PLCXD3: variants seen among roughly 807,000 people sequenced by gnomAD.
PLCXD3 encodes the protein phosphatidylinositol specific phospholipase C X domain containing 3.
Under a neutral mutation model 25.5 loss-of-function variants are expected in PLCXD3, and 19 were observed. That is an observed-to-expected ratio of 0.75 (90% CI 0.52 to 1.09). The LOEUF (loss-of-function observed/expected upper bound fraction) is 1.09. PLCXD3 is among the 50% of genes least tolerant of loss of function. The pLI, the probability that PLCXD3 is intolerant of heterozygous loss-of-function variation, is 0.00. For missense variants in PLCXD3, 411 were observed against 388.1 expected, an observed-to-expected ratio of 1.06 and a Z score of -0.50; for synonymous variants, 174 against 137.6, an observed-to-expected ratio of 1.26 and a Z score of -1.85.
At position 41,308,014 on chromosome 5, in the gene PLCXD3, A is replaced by G. The variant is rs1386905684; in HGVS notation, c.*5603T>C. 6.6e-6 allele frequency: 1 copy of G among 152,116 alleles called. No homozygotes were observed. Among genetic ancestry groups the G allele is most frequent in the Admixed American group, 6.6e-5 (1 of 15,260 alleles). The allele number at this position is 152,116 out of a possible 1,614,324, so 9.4% of individuals were successfully genotyped here. Reference sequence around the variant, plus strand: ...ACATGGTGGCATTGATCCTATGAAGATATTTACTTGATTATCCCATCTGTA... The same window carrying G: ...ACATGGTGGCATTGATCCTATGAAGGTATTTACTTGATTATCCCATCTGTA... On this transcript the variant is annotated 3_prime_UTR_variant, in exon 3 of 3. Coordinates refer to ENST00000377801, the MANE Select transcript of PLCXD3 (RefSeq NM_001005473.3).
intron 1 of PLCXD3, among the ~76,000 whole-genome samples, chr5:41,482,375 T>C (rs1748432353): frequency 6.6e-6 from 1 of 152,220 alleles, no homozygotes; most frequent in Non-Finnish European, 1.5e-5. Flanking sequence ...TAGTCACGTG[T>C]CTGGGCCACG....
chr5:41,332,537 G>A (rs1048747919), intron 2 of PLCXD3, among the ~76,000 whole-genome samples: 2 of 152,222 alleles, frequency 1.3e-5, no homozygotes, highest in South Asian at 2.1e-4. Flanking sequence ...TCAGTGTGGT[G>A]ATTCCTCAGG....
chr5:41,345,992 G>A (rs1223510311), intron 2 of PLCXD3, among the ~76,000 whole-genome samples: 1 of 151,850 alleles, frequency 6.6e-6, no homozygotes, highest in Non-Finnish European at 1.5e-5. Flanking sequence ...TGATTCTCCT[G>A]CCTCAGCCTC....
chr5:41,381,856 G>T lies in PLCXD3; in HGVS notation c.782C>A (p.Ala261Glu), dbSNP rs935074342. The change falls in exon 2 of 3, where the codon GCA becomes GAA. Residue 261 changes from alanine (A) to glutamate (E), a missense_variant. Physicochemically the swap from Ala to Glu is moderately radical, Grantham distance 107. Transcript: ENST00000377801. ...TGTGATTGTTTCTCTGAGGCCACTT[G>T]CCACCCCTTTGACCACAGTGCTAGC... ...PKASTVVKGV[A>E]SGLRETITER... 2 of 1,610,860 alleles carry T rather than the reference G, an allele frequency of 1.2e-6. No individual in the cohort carries two copies. Among genetic ancestry groups the T allele is most frequent in the Middle Eastern group, 1.8e-4 (1 of 5,420 alleles).
At chr5:41,388,215 T>C (rs944460252) in intron 1 of PLCXD3, among the ~76,000 whole-genome samples, 23 of 152,026 alleles carry the variant, frequency 1.5e-4, no homozygotes, top group African/African-American at 5.6e-4. Context: ...TAAAACCTTA[T>C]ACCAAATAGC....
intron 1 of PLCXD3, among the ~76,000 whole-genome samples, chr5:41,496,152 C>T (rs775191600): frequency 6.6e-5 from 10 of 151,584 alleles, no homozygotes; most frequent in South Asian, 4.2e-4. Flanking sequence ...ATAGATCATT[C>T]GAAATTATCC....
At chr5:41,356,683 T>C (rs546046316) in intron 2 of PLCXD3, among the ~76,000 whole-genome samples, 1 of 152,200 alleles carries the variant, frequency 6.6e-6, no homozygotes, top group Non-Finnish European at 1.5e-5. Flanking sequence ...AACAAACCTT[T>C]TTGCCATTAA....
At chr5:41,415,369 C>A (rs1746670081) in intron 1 of PLCXD3, among the ~76,000 whole-genome samples, 1 of 152,192 alleles carries the variant, frequency 6.6e-6, no homozygotes, top group African/African-American at 2.4e-5. Context: ...TTGTCCCAGA[C>A]TGGCAAATAC....
At chr5:41,380,201 T>A (rs954903216) in intron 2 of PLCXD3, among the ~76,000 whole-genome samples, 2 of 152,064 alleles carry the variant, frequency 1.3e-5, no homozygotes, top group African/African-American at 4.8e-5. Context: ...TCCTCCCAAG[T>A]CCCTGTGTCT....
chr5:41,489,672 A>G (rs1748609068), intron 1 of PLCXD3, among the ~76,000 whole-genome samples: 1 of 151,716 alleles, frequency 6.6e-6, no homozygotes, highest in African/African-American at 2.4e-5. Flanking sequence ...ATTCCTAGGT[A>G]TTTTATTCTC....
At chr5:41,448,433 A>C (rs1472981319) in intron 1 of PLCXD3, among the ~76,000 whole-genome samples, 1 of 152,238 alleles carries the variant, frequency 6.6e-6, no homozygotes, top group Non-Finnish European at 1.5e-5. Flanking sequence ...ATTGGTGCCA[A>C]TTAGGTTTTC....
At chr5:41,383,525 T>G (rs537916137) in intron 1 of PLCXD3, among the ~76,000 whole-genome samples, 2 of 152,230 alleles carry the variant, frequency 1.3e-5, no homozygotes, top group South Asian at 4.1e-4. Flanking sequence ...CTCCTTTTAT[T>G]CTTAGGCATA....
At chr5:41,509,334 A>T (rs1738976881) in intron 1 of PLCXD3, among the ~76,000 whole-genome samples, 1 of 152,098 alleles carries the variant, frequency 6.6e-6, no homozygotes, top group Non-Finnish European at 1.5e-5. Flanking sequence ...CTCTGAAAAG[A>T]TCAAGTGTGT....
chr5:41,411,653 A>G (rs927134056), intron 1 of PLCXD3, among the ~76,000 whole-genome samples: 1 of 152,122 alleles, frequency 6.6e-6, no homozygotes, highest in African/African-American at 2.4e-5. Flanking sequence ...TTCATGCTAC[A>G]TGATATTTGG....
chr5:41,412,307 T>C (rs1312767779), intron 1 of PLCXD3, among the ~76,000 whole-genome samples: 1 of 150,434 alleles, frequency 6.6e-6, no homozygotes, highest in Admixed American at 6.7e-5. Context: ...GTGCCGTATA[T>C]GCTAATAAAT....
intron 2 of PLCXD3, among the ~76,000 whole-genome samples, chr5:41,323,138 C>A (rs998193924): frequency 6.6e-6 from 1 of 152,016 alleles, no homozygotes; most frequent in African/African-American, 2.4e-5. Context: ...AAATATCACA[C>A]GTTGTCACTT....
At chr5:41,431,361 C>T (rs545333783) in intron 1 of PLCXD3, among the ~76,000 whole-genome samples, 4 of 152,302 alleles carry the variant, frequency 2.6e-5, no homozygotes, top group African/African-American at 9.6e-5. Context: ...AGTTAAAAGA[C>T]ACACTAAGTA....
At chr5:41,361,355 A>T (rs953137652) in intron 2 of PLCXD3, among the ~76,000 whole-genome samples, 15 of 152,084 alleles carry the variant, frequency 9.9e-5, no homozygotes, top group African/African-American at 3.6e-4. Flanking sequence ...AAGCAGGCAG[A>T]CCCGCAGTTT....
chr5:41,489,003 C>T (rs1475712809), intron 1 of PLCXD3, among the ~76,000 whole-genome samples: 3 of 152,010 alleles, frequency 2.0e-5, no homozygotes, highest in African/African-American at 7.3e-5. Context: ...AAGTCCTTGC[C>T]CATGCCTATG....
Sources: gnomAD v4.1 joint callset for allele counts (sites outside exome capture counted in the v4.1 genomes callset) on GRCh38, gnomAD v4.1.1 for gene constraint, MANE v1.5 for transcripts, NCBI Gene and HGNC (gene_info 2026-07-23, HGNC 2026-07-21) for gene names.